Variants in DLST observed in about 807,000 individuals in gnomAD.
The protein encoded by DLST is dihydrolipoyllysine-residue succinyltransferase component of 2-oxoglutarate dehydrogenase complex, mitochondrial.
DLST carries 17 observed loss-of-function variants against 53.1 expected under a neutral mutation model. That is an observed-to-expected ratio of 0.32 (90% CI 0.22 to 0.48). The LOEUF is 0.48. Ranked by LOEUF, DLST falls within the 20% of genes least tolerant of loss-of-function variation. DLST has a pLI of 0.99. For missense variants in DLST, 512 were observed against 583.9 expected, an observed-to-expected ratio of 0.88 and a Z score of 1.27; for synonymous variants, 206 against 204.8, an observed-to-expected ratio of 1.01 and a Z score of -0.05.
rs779001685 is a variant in DLST, at chr14:74,891,198, C to T, written c.442+31C>T. ...GAAGTTCTCCTGGTGGTCAAGGTCT[C>T]CAGTGTTCCCTCTTGGGATTGGGAC... On this transcript the variant is annotated intron_variant, in intron 7 of 14. Coordinates refer to ENST00000334220, the MANE Select transcript of DLST (RefSeq NM_001933.5). The T allele has an allele frequency of 3.7e-6, 6 of 1,613,782 alleles. No homozygotes were observed. The East Asian group carries it at 1.1e-4, about 30-fold the overall frequency.
intron 3 of DLST, among the ~76,000 whole-genome samples, chr14:74,886,494 T>C (rs1883710266): frequency 6.6e-6 from 1 of 151,672 alleles, no homozygotes; most frequent in Non-Finnish European, 1.5e-5. Flanking sequence ...GCCCGGTTGT[T>C]TTTTGTATTT....
intron 11 of DLST, among the ~76,000 whole-genome samples, chr14:74,899,628 G>A (rs1039968211): frequency 2.0e-5 from 3 of 152,148 alleles, no homozygotes; most frequent in Non-Finnish European, 2.9e-5. Context: ...GCTACTTAAC[G>A]AGAGTTTAGT....
At chr14:74,888,389 C>G (rs1226510438) in intron 3 of DLST, among the ~76,000 whole-genome samples, 1 of 150,562 alleles carries the variant, frequency 6.6e-6, no homozygotes, top group Non-Finnish European at 1.5e-5. Context: ...TTCCATTATA[C>G]CTTGCACAAT....
At chr14:74,898,108 CTG>C (rs1299559234) in intron 10 of DLST, among the ~76,000 whole-genome samples, 2 of 152,074 alleles carry the variant, frequency 1.3e-5, no homozygotes, top group Admixed American at 6.5e-5. Flanking sequence ...TCACTGAAAT[CTG>C]TGACTTCTAG....
At chr14:74,893,476 T>G in intron 9 of DLST, 52 bp downstream of exon 9, 1 of 1,600,472 alleles carries the variant, frequency 6.2e-7, no homozygotes, top group Non-Finnish European at 8.6e-7. Context: ...AGTGTTGAGA[T>G]TAGTGGAGTA....
chr14:74,894,639 G>A (rs1053232527), intron 10 of DLST, among the ~76,000 whole-genome samples: 7 of 151,972 alleles, frequency 4.6e-5, no homozygotes, highest in Non-Finnish European at 1.0e-4. Context: ...TCCGCCTCCC[G>A]GGTTCACGCC....
At chr14:74,882,290 C>G (rs1219861658) in intron 1 of DLST, among the ~76,000 whole-genome samples, 3 of 152,222 alleles carry the variant, frequency 2.0e-5, no homozygotes, top group Admixed American at 6.5e-5. Context: ...CGCGCCCGTC[C>G]AGATACTTGA....
At chr14:74,894,893 A>G (rs1884030663) in intron 10 of DLST, among the ~76,000 whole-genome samples, 1 of 151,766 alleles carries the variant, frequency 6.6e-6, no homozygotes, top group South Asian at 2.1e-4. Context: ...TTCTTCTCTA[A>G]TTGGCTTTCC....
chr14:74,891,737 G>A (rs1322758835), intron 7 of DLST: 4 of 984,962 alleles, frequency 4.1e-6, no homozygotes, highest in Non-Finnish European at 4.8e-6. Context: ...CCACTAAAAA[G>A]TCTATTTCTT....
chr14:74,894,188 G>T lies in DLST; in HGVS notation c.673-124G>T, dbSNP rs76363935. On this transcript the variant is annotated intron_variant, in intron 9 of 14. Coordinates refer to ENST00000334220, the MANE Select transcript of DLST (RefSeq NM_001933.5). ...CACAGGAAAGGGAAGCCTGGAGCTCGTGTACTTAGATACTGTAGTCCTTGG... is the reference window on the plus strand; with the variant it reads ...CACAGGAAAGGGAAGCCTGGAGCTCTTGTACTTAGATACTGTAGTCCTTGG... 2.3e-3 allele frequency: 2,577 copies of T among 1,105,854 alleles called. 35 individuals are homozygous for T. In the African/African-American group the frequency reaches 0.037, roughly 16 times the overall value. 68.5% of individuals were successfully genotyped at this position (1,105,854 alleles called of 1,614,324 possible).
In DLST at chr14:74,902,181, C is replaced by A; in HGVS notation, c.1228-15C>A. 6.4e-7 allele frequency: 1 copy of A among 1,551,952 alleles called. No individual in the cohort carries two copies. The highest frequency in any genetic ancestry group is 8.8e-7 in the Non-Finnish European group (1 of 1,142,264). Reference sequence around the variant, plus strand: ...GCTTGCTGGAGACAAACCTATTTACCTTTCCTCTCTGTAGGTAGAGGTGCG... The same window carrying A: ...GCTTGCTGGAGACAAACCTATTTACATTTCCTCTCTGTAGGTAGAGGTGCG... On this transcript the variant is annotated splice_polypyrimidine_tract_variant and intron_variant, in intron 14 of 14. Coordinates refer to ENST00000334220, the MANE Select transcript of DLST (RefSeq NM_001933.5).
chr14:74,889,306 G>T lies in DLST; in HGVS notation c.231G>T (p.Ala77=), dbSNP rs371402604. Residue 77 remains alanine (A), a synonymous_variant, in exon 5 of 15, where the codon GCG becomes GCT. Coordinates refer to ENST00000334220, the MANE Select transcript of DLST (RefSeq NM_001933.5). ...KDDLVTVKTP[A]FAESVTEGDV... is the part of the protein sequence containing the mutation. ...ACTTGGTTACAGTCAAAACCCCAGC[G>T]TTTGCAGAATCTGTCACAGAGGGAG... is the stretch of plus-strand genomic sequence containing the variant. 1.2e-6 allele frequency: 2 copies of T among 1,611,592 alleles called. No homozygotes were observed. Among genetic ancestry groups the T allele is most frequent in the Admixed American group, 1.7e-5 (1 of 59,850 alleles).
At chr14:74,884,302 A>G (rs551835560) in intron 2 of DLST, among the ~76,000 whole-genome samples, 2 of 152,320 alleles carry the variant, frequency 1.3e-5, no homozygotes, top group South Asian at 2.1e-4. Context: ...CCCTAGCACA[A>G]TGTCGGCTTG....
At chr14:74,894,136 G>C (rs537372319) in intron 9 of DLST, among the ~76,000 whole-genome samples, 176 bp from the exon 10 acceptor site, 6 of 152,292 alleles carry the variant, frequency 3.9e-5, no homozygotes, top group South Asian at 4.1e-4. Flanking sequence ...GTGTTTGCAT[G>C]TTTTTGCTTG....
Position 74,889,135 on chromosome 14 carries a change from A to G in DLST, c.187A>G (p.Thr63Ala), listed in dbSNP as rs1175069920. Residue 63 changes from threonine (T) to alanine (A), a missense_variant, in exon 4 of 15, where the codon ACA (threonine) becomes GCA (alanine). Thr to Ala is a moderately conservative substitution (Grantham distance 58, BLOSUM62 0). This residue lies in a region of DLST where 129 missense variants were observed against 90.9 expected (regional missense o/e 1.42). Transcript: ENST00000334220. ...CTTCAGTGTTCGCTTTTTCAGAACT[A>G]CAGCTGTATGCAGTAAGTACCTGCT... The part of the protein sequence containing the change: ...SVFSVRFFRT[T>A]AVCKDDLVTV... 1.9e-6 allele frequency: 3 copies of G among 1,614,136 alleles called. No homozygotes were observed. Among genetic ancestry groups the G allele is most frequent in the African/African-American group, 2.7e-5 (2 of 75,044 alleles).
Position 74,902,472 on chromosome 14 carries a change from AC to A in DLST, c.*144del. ...AAGCAAGGAAGCAGAGCACTGTGTA[AC>A]CAGCAGTCACAGGTCTTTTCTTGGC... On this transcript the variant is annotated 3_prime_UTR_variant, in exon 15 of 15. Coordinates refer to ENST00000334220, the MANE Select transcript of DLST (RefSeq NM_001933.5). 2.0e-6 allele frequency: 2 copies of A among 1,004,022 alleles called. No individual in the cohort carries two copies. The highest frequency in any genetic ancestry group is 2.8e-6 in the Non-Finnish European group (2 of 722,120). The allele number at this position is 1,004,022 out of a possible 1,614,324, so 62.2% of individuals were successfully genotyped here. A position where few individuals can be genotyped will look rare whatever the true frequency, so the allele number is the denominator to read the frequency against.
chr14:74,886,846 A>G (rs1594872501), intron 3 of DLST, among the ~76,000 whole-genome samples: 2 of 151,426 alleles, frequency 1.3e-5, no homozygotes, highest in East Asian at 1.9e-4. Flanking sequence ...GGTTCCAGCA[A>G]TTCTCCTGCC....
At chr14:74,898,048 T>G (rs777547275) in intron 10 of DLST, among the ~76,000 whole-genome samples, 5 of 152,130 alleles carry the variant, frequency 3.3e-5, no homozygotes, top group Non-Finnish European at 4.4e-5. Flanking sequence ...GCTCAGTTAT[T>G]CAGGGCAAGG....
At chr14:74,901,012 T>C (rs1424377654) in intron 13 of DLST, 54 bp from the exon 14 acceptor site, 19 of 1,588,818 alleles carry the variant, frequency 1.2e-5, no homozygotes, top group East Asian at 6.7e-5. Flanking sequence ...GGACTGACTT[T>C]AGGTGAAGGA....
Sources: allele counts gnomAD v4.1 joint callset (sites outside exome capture counted in the v4.1 genomes callset), GRCh38; gene constraint gnomAD v4.1.1; regional missense constraint gnomAD v4.1.1; transcripts MANE v1.5; gene names NCBI Gene and HGNC (gene_info 2026-07-23, HGNC 2026-07-21).